SCYL3: variants seen among roughly 807,000 people sequenced by gnomAD.
SCYL3 encodes protein-associating with the carboxyl-terminal domain of ezrin.
A neutral mutation model predicts 73.8 loss-of-function variants in SCYL3; 35 were observed. The observed-to-expected ratio is 0.47, with a 90% confidence interval of 0.36 to 0.63. The LOEUF is 0.63. Ranked by LOEUF, SCYL3 falls within the 20% of genes least tolerant of loss-of-function variation. SCYL3 has a pLI of 0.00. For missense variants in SCYL3, 712 were observed against 798.9 expected, an observed-to-expected ratio of 0.89 and a Z score of 1.31; for synonymous variants, 277 against 295.2, an observed-to-expected ratio of 0.94 and a Z score of 0.63.
intron 5 of SCYL3, among the ~76,000 whole-genome samples, chr1:169,873,012 T>G (rs1660526214): frequency 6.6e-6 from 1 of 152,120 alleles, no homozygotes; most frequent in Non-Finnish European, 1.5e-5. Context: ...TTTGGGGGAC[T>G]GTTGAGAAGA....
At chr1:169,883,474 C>A (rs906489474) in intron 2 of SCYL3, among the ~76,000 whole-genome samples, 47 of 152,202 alleles carry the variant, frequency 3.1e-4, no homozygotes, top group Non-Finnish European at 4.1e-4. Context: ...CCTGTCCAAT[C>A]AGATTGGGAG....
chr1:169,851,890 C>T lies in SCYL3; in HGVS notation c.*1823G>A, dbSNP rs1050404923. 5 of 1,613,962 alleles carry T rather than the reference C, an allele frequency of 3.1e-6. No homozygotes were observed. In the Admixed American group the frequency reaches 5.0e-5, roughly 16 times the overall value. Reference sequence around the variant, plus strand: ...CAGGAAAAAGGTATTTTCTGGGAACCCTTTGCTAATGTGACTGTAGAAGAA... The same window carrying T: ...CAGGAAAAAGGTATTTTCTGGGAACTCTTTGCTAATGTGACTGTAGAAGAA... On this transcript the variant is annotated 3_prime_UTR_variant, in exon 13 of 13. Transcript: ENST00000367771.
intron 2 of SCYL3, among the ~76,000 whole-genome samples, chr1:169,883,714 ATTTTTTTTT>A (rs11311295): frequency 2.0e-5 from 2 of 100,086 alleles, no homozygotes; most frequent in African/African-American, 7.9e-5. Flanking sequence ...CTCCAATTAC[ATTTTTTTTT>A]TTTTTTTTTT....
chr1:169,873,011 C>T (rs774502272), intron 5 of SCYL3, among the ~76,000 whole-genome samples: 5 of 152,040 alleles, frequency 3.3e-5, no homozygotes, highest in Non-Finnish European at 7.3e-5. Context: ...CTTTGGGGGA[C>T]TGTTGAGAAG....
chr1:169,855,927 T>G (rs1373538231), intron 11 of SCYL3: 1 of 1,613,690 alleles, frequency 6.2e-7, no homozygotes, highest in Non-Finnish European at 8.5e-7. Context: ...GATCTGACTG[T>G]GATGGCTGCA....
intron 4 of SCYL3, among the ~76,000 whole-genome samples, chr1:169,874,891 C>T (rs1558134085): frequency 2.0e-5 from 3 of 152,292 alleles, no homozygotes; most frequent in Admixed American, 6.5e-5. Context: ...CGCACCACTG[C>T]ACTCCAGCCT....
intron 2 of SCYL3, among the ~76,000 whole-genome samples, chr1:169,887,480 T>TA (rs979586596): frequency 6.6e-6 from 1 of 151,998 alleles, no homozygotes; most frequent in Non-Finnish European, 1.5e-5. Context: ...AATAGTTTAT[T>TA]AAAAAAAATG....
chr1:169,893,855 A>G lies in SCYL3; in HGVS notation c.-118T>C, dbSNP rs575900507. The G allele has an allele frequency of 6.5e-6, 1 of 153,300 alleles. No homozygotes were observed. The highest frequency in any genetic ancestry group is 1.9e-4 in the East Asian group (1 of 5,194). The allele number at this position is 153,300 out of a possible 1,614,324, so 9.5% of individuals were successfully genotyped here. On this transcript the variant is annotated 5_prime_UTR_variant, in exon 1 of 13. Transcript: ENST00000367771. ...TGGTACCCTGTTGGCCCCCCTGTTG[A>G]CACCAACCACCCCTGCCTGCCTGTA... is the stretch of plus-strand genomic sequence containing the variant.
At chr1:169,856,561 C>T (rs1439575191) in intron 11 of SCYL3, among the ~76,000 whole-genome samples, 1 of 152,024 alleles carries the variant, frequency 6.6e-6, no homozygotes, top group Non-Finnish European at 1.5e-5. Flanking sequence ...CGATTAGGTC[C>T]CCAGCTCTCT....
intron 2 of SCYL3, among the ~76,000 whole-genome samples, chr1:169,880,334 T>A (rs1177130574): frequency 6.6e-6 from 1 of 152,102 alleles, no homozygotes; most frequent in Non-Finnish European, 1.5e-5. Context: ...CAAGATAAAT[T>A]TTTTAAAAAG....
chr1:169,856,715 C>T (rs1659202560), intron 11 of SCYL3, among the ~76,000 whole-genome samples: 1 of 152,146 alleles, frequency 6.6e-6, no homozygotes, highest in Non-Finnish European at 1.5e-5. Context: ...TTCTCCACCT[C>T]TCTTTCAGGC....
At chr1:169,891,317 C>T (rs1206802920) in intron 1 of SCYL3, among the ~76,000 whole-genome samples, 2 of 152,166 alleles carry the variant, frequency 1.3e-5, no homozygotes, top group Non-Finnish European at 2.9e-5. Context: ...TACTACTATC[C>T]ATCTCAAGAC....
At chr1:169,870,173 A>G in intron 6 of SCYL3, 82 bp downstream of exon 6, 1 of 1,016,914 alleles carries the variant, frequency 9.8e-7, no homozygotes, top group Non-Finnish European at 1.5e-6. Context: ...CAAAGACTGT[A>G]GTCCTTTGAA....
rs914032429 is a variant in SCYL3, at chr1:169,853,229, C to T, written c.*484G>A. On this transcript the variant is annotated 3_prime_UTR_variant, in exon 13 of 13. Transcript: ENST00000367771. ...ACAAAGAACCATTTACTCAGATAGT[C>T]TAACTGTAAACAAATAAATAAGCTG... 6.1e-6 allele frequency: 3 copies of T among 495,670 alleles called. No homozygotes were observed. Among genetic ancestry groups the T allele is most frequent in the African/African-American group, 5.8e-5 (3 of 51,676 alleles). The allele number at this position is 495,670 out of a possible 1,614,324, so 30.7% of individuals were successfully genotyped here. A position where few individuals can be genotyped will look rare whatever the true frequency, so the allele number is the denominator to read the frequency against.
chr1:169,858,908 G>A, intron 11 of SCYL3, 133 bp downstream of exon 11: 1 of 765,944 alleles, frequency 1.3e-6, no homozygotes, highest in South Asian at 2.3e-5. Context: ...GAGAAGTTCA[G>A]AAAGAGAAAT....
intron 11 of SCYL3, among the ~76,000 whole-genome samples, chr1:169,858,004 C>T (rs1465661458): frequency 6.6e-6 from 1 of 152,156 alleles, no homozygotes; most frequent in Non-Finnish European, 1.5e-5. Context: ...CTAGAAGTTG[C>T]TCTGAGTTAC....
At chr1:169,874,272 A>C (rs915846839) in intron 4 of SCYL3, among the ~76,000 whole-genome samples, 1 of 152,226 alleles carries the variant, frequency 6.6e-6, no homozygotes, top group Admixed American at 6.5e-5. Flanking sequence ...TGAAGAGCCT[A>C]TATGTCCCGA....
At position 169,854,581 on chromosome 1, in the gene SCYL3, G is replaced by C. The variant is rs781556718; in HGVS notation, c.1696C>G (p.Pro566Ala). The change falls in exon 12 of 13, where the codon CCC (proline) becomes GCC (alanine). Residue 566 changes from proline to alanine, a missense_variant. Around this residue, in one of 2 missense-constraint regions of SCYL3, gnomAD observed 370 missense variants for 350.8 expected, o/e 1.05. Transcript: ENST00000367771. ...CTTTGTACAAGGCTAATCTTTTGGG[G>C]TAAGCTTGATTTCCAAGGCATAGAC... ...EESMPWKSSL[P>A]QKISLVQRGD... 6.2e-7 allele frequency: 1 copy of C among 1,613,810 alleles called. No homozygotes were observed. Among genetic ancestry groups the C allele is most frequent in the Non-Finnish European group, 8.5e-7 (1 of 1,179,870 alleles).
rs375970043 is a variant in SCYL3, at chr1:169,862,797, T to C, written c.956A>G (p.Asp319Gly). 2.5e-6 allele frequency: 4 copies of C among 1,612,886 alleles called. No individual in the cohort carries two copies. The highest frequency in any genetic ancestry group is 3.4e-6 in the Non-Finnish European group (4 of 1,179,178). The change falls in exon 10 of 13, where the codon GAT (aspartate) becomes GGT (glycine). Residue 319 changes from aspartate to glycine, a missense_variant and splice_region_variant. By Grantham distance (94) the Asp-to-Gly change is moderately conservative (BLOSUM62 -1). Coordinates refer to ENST00000367771, the MANE Select transcript of SCYL3 (RefSeq NM_020423.7). ...GCAAGGAGTTTCTCCCTGCGCATGA[T>C]CTACCCGAAAAATCAAAGGTTACAG... ...FLPYLLGPKK[D>G]HAQGETPCLL... is the part of the protein sequence containing the mutation.
Sources: allele counts gnomAD v4.1 joint callset (sites outside exome capture counted in the v4.1 genomes callset), GRCh38; gene constraint gnomAD v4.1.1; regional missense constraint gnomAD v4.1.1; transcripts MANE v1.5; gene names NCBI Gene and HGNC (gene_info 2026-07-23, HGNC 2026-07-21).